TEK: variants seen among roughly 807,000 people sequenced by gnomAD.
The protein encoded by TEK is TEK receptor tyrosine kinase, also known as angiopoietin-1 receptor.
TEK carries 43 observed loss-of-function variants against 131.8 expected under a neutral mutation model. The observed-to-expected ratio is 0.33, with a 90% CI of 0.26 to 0.42. TEK has a LOEUF of 0.42. Among genes scored for constraint, TEK ranks in the 10% least tolerant of loss-of-function variants. TEK has a pLI of 1.00. For synonymous variants in TEK, 580 were observed against 491.6 expected, an observed-to-expected ratio of 1.18 and a Z score of -2.38; for missense variants, 1,162 against 1,384.4, an observed-to-expected ratio of 0.84 and a Z score of 2.55.
At chr9:27,213,454 G>GA (rs1564102866) in intron 17 of TEK, 30 bp from the exon 18 acceptor site, 4 of 1,565,540 alleles carry the variant, frequency 2.6e-6, no homozygotes, top group Non-Finnish European at 3.5e-6. Context: ...TCATTAGGCT[G>GA]AAAATACATA....
rs770865432 is a variant in TEK at position 27,158,154 on chromosome 9, C to T, written c.364+12C>T. 5 of 1,613,926 alleles carry T rather than the reference C, an allele frequency of 3.1e-6. No homozygotes were observed. Among genetic ancestry groups the T allele is most frequent in the Non-Finnish European group, 4.2e-6 (5 of 1,179,978 alleles). ...GATGCGTCAACAAGGTAACATGCCC[C>T]TAAGTTTTGGGCAGGTGAGGCCCAC... On this transcript the variant is annotated intron_variant, in intron 2 of 22. Transcript: ENST00000380036.
chr9:27,112,505 A>G (rs1270589499), intron 1 of TEK, among the ~76,000 whole-genome samples: 2 of 152,138 alleles, frequency 1.3e-5, no homozygotes, highest in East Asian at 3.9e-4. Context: ...CTGCCCTGGG[A>G]GAGCTTCCTG....
chr9:27,173,464 A>C, intron 6 of TEK, 102 bp downstream of exon 6: 2 of 1,414,420 alleles, frequency 1.4e-6, no homozygotes, highest in South Asian at 2.3e-5. Flanking sequence ...TGGACTGCTT[A>C]GCTACCCACT....
chr9:27,132,855 T>C (rs1312203976), intron 1 of TEK, among the ~76,000 whole-genome samples: 2 of 151,568 alleles, frequency 1.3e-5, no homozygotes, highest in Non-Finnish European at 2.9e-5. Context: ...AAGAGGGAGG[T>C]AGAAAGAGAG....
intron 6 of TEK, among the ~76,000 whole-genome samples, chr9:27,175,892 T>C (rs1464756580): frequency 1.3e-5 from 2 of 152,168 alleles, no homozygotes; most frequent in African/African-American, 4.8e-5. Flanking sequence ...ATATTAGCCC[T>C]TTGTCAGATG....
chr9:27,159,697 G>A (rs985743232), intron 2 of TEK, among the ~76,000 whole-genome samples: 4 of 152,208 alleles, frequency 2.6e-5, no homozygotes, highest in Admixed American at 6.5e-5. Flanking sequence ...CCACCTGTGT[G>A]ATGGCAGTTG....
At chr9:27,218,260 G>GAGT (rs1564106433) in intron 19 of TEK, among the ~76,000 whole-genome samples, 1 of 150,844 alleles carries the variant, frequency 6.6e-6, no homozygotes, top group Non-Finnish European at 1.5e-5. Flanking sequence ...AAGGCCCCGA[G>GAGT]GGTGGTGACT....
intron 1 of TEK, among the ~76,000 whole-genome samples, chr9:27,146,178 A>G (rs1466678388): frequency 2.6e-5 from 4 of 152,146 alleles, no homozygotes. Context: ...TGAACTTTAT[A>G]TTGTTTACAG....
At chr9:27,134,926 C>T (rs932292245) in intron 1 of TEK, among the ~76,000 whole-genome samples, 12 of 152,120 alleles carry the variant, frequency 7.9e-5, no homozygotes, top group African/African-American at 2.9e-4. Context: ...TGGGCTGTTA[C>T]TAGATTTAAA....
chr9:27,214,449 A>G (rs1160947829), intron 18 of TEK, among the ~76,000 whole-genome samples: 1 of 152,190 alleles, frequency 6.6e-6, no homozygotes, highest in South Asian at 2.1e-4. Context: ...TCCAGTTGTC[A>G]TAAGATATAG....
chr9:27,136,022 A>G (rs533537290), intron 1 of TEK, among the ~76,000 whole-genome samples: 36 of 151,800 alleles, frequency 2.4e-4, no homozygotes, highest in Non-Finnish European at 5.0e-4. Flanking sequence ...TGAATTTTAT[A>G]TCCTTTTCTG....
At chr9:27,216,395 A>ATCCTT (rs1382593634) in intron 18 of TEK, among the ~76,000 whole-genome samples, 1 of 152,180 alleles carries the variant, frequency 6.6e-6, no homozygotes, top group Non-Finnish European at 1.5e-5. Context: ...TAAATGAAAA[A>ATCCTT]GTGCACAAGG....
rs1046808932 is a variant in TEK, at chr9:27,172,727, T to C, written c.740T>C (p.Met247Thr). 12 of 1,613,664 alleles carry C rather than the reference T, an allele frequency of 7.4e-6. No homozygotes were observed. The highest frequency in any genetic ancestry group is 1.0e-5 in the Non-Finnish European group (12 of 1,179,668). ...GAATGCATTTGCCCTCCTGGGTTTA[T>C]GGGAAGGACGTGTGAGAAGGGTAAG... The part of the protein sequence containing the change: ...TGECICPPGF[M>T]GRTCEKACEL... The change falls in exon 5 of 23, where the codon ATG becomes ACG. Residue 247 changes from methionine to threonine, a missense_variant. By Grantham distance (81) the Met-to-Thr change is moderately conservative. Around this residue, in one of 6 missense-constraint regions of TEK, gnomAD observed 436 missense variants for 539.1 expected, o/e 0.81. Coordinates refer to ENST00000380036, the MANE Select transcript of TEK (RefSeq NM_000459.5).
intron 4 of TEK, among the ~76,000 whole-genome samples, chr9:27,171,287 C>T (rs1434063448): frequency 6.6e-6 from 1 of 152,146 alleles, no homozygotes; most frequent in African/African-American, 2.4e-5. Context: ...GGTCTAAATG[C>T]CTGGGCTTCT....
intron 2 of TEK, among the ~76,000 whole-genome samples, chr9:27,160,141 G>A (rs1823496423): frequency 6.8e-6 from 1 of 146,748 alleles, no homozygotes; most frequent in Non-Finnish European, 1.5e-5. Context: ...TCCCACCTCA[G>A]CCTCCCAAGT....
chr9:27,139,633 A>G (rs1017428330), intron 1 of TEK, among the ~76,000 whole-genome samples: 1 of 151,924 alleles, frequency 6.6e-6, no homozygotes, highest in East Asian at 1.9e-4. Context: ...TGACAGCTTT[A>G]TGATTTTTGA....
At chr9:27,219,610 C>G (rs1825970139) in intron 20 of TEK, among the ~76,000 whole-genome samples, 1 of 115,006 alleles carries the variant, frequency 8.7e-6, no homozygotes, top group African/African-American at 3.0e-5. Flanking sequence ...TATCTCAGAA[C>G]TTAAAATTTA....
At chr9:27,198,961 C>CT (rs895815544) in intron 12 of TEK, among the ~76,000 whole-genome samples, 2 of 151,998 alleles carry the variant, frequency 1.3e-5, no homozygotes, top group Non-Finnish European at 2.9e-5. Context: ...CCACACCTGA[C>CT]TTTTTTTAAA....
intron 9 of TEK, among the ~76,000 whole-genome samples, chr9:27,188,857 A>G (rs1265094442): frequency 6.6e-6 from 1 of 152,204 alleles, no homozygotes; most frequent in African/African-American, 2.4e-5. Context: ...TAGAATGTAC[A>G]GTTCACGAAA....
Sources: allele counts gnomAD v4.1 joint callset (sites outside exome capture counted in the v4.1 genomes callset), GRCh38; gene constraint gnomAD v4.1.1; regional missense constraint gnomAD v4.1.1; transcripts MANE v1.5; gene names NCBI Gene and HGNC (gene_info 2026-07-23, HGNC 2026-07-21).